Variants in CLVS1 observed in about 807,000 individuals in gnomAD.
CLVS1 encodes clavesin 1, also known as clavesin-1.
Under a neutral mutation model 33.1 loss-of-function variants are expected in CLVS1, and 10 were observed. That is an observed-to-expected ratio of 0.30 (90% CI 0.19 to 0.51). The LOEUF (loss-of-function observed/expected upper bound fraction) is 0.51, where lower values mean the gene tolerates loss of function less well. Among genes scored for constraint, CLVS1 ranks in the 20% least tolerant of loss-of-function variants. The pLI, the probability that CLVS1 is intolerant of heterozygous loss-of-function variation, is 0.97. For synonymous variants in CLVS1, 163 were observed against 166.1 expected (o/e 0.98, Z 0.14); for missense variants, 343 against 433.4 (o/e 0.79, Z 1.85).
intron 2 of CLVS1, among the ~76,000 whole-genome samples, chr8:61,253,064 T>G (rs1348084160): frequency 6.6e-6 from 1 of 152,174 alleles, no homozygotes; most frequent in African/African-American, 2.4e-5. Context: ...GGTACTGGTT[T>G]TTCCTTTCCA....
chr8:61,127,216 C>CTTT (rs759525568), intron 1 of CLVS1, among the ~76,000 whole-genome samples: 62 of 142,034 alleles, frequency 4.4e-4, no homozygotes, highest in African/African-American at 1.6e-3. Context: ...TGAGATCAAG[C>CTTT]TTTTTTTTTT....
chr8:61,458,617 TATTA>T (rs1817251477), intron 5 of CLVS1, 75 bp downstream of exon 5: 1 of 990,402 alleles, frequency 1.0e-6, no homozygotes, highest in African/African-American at 1.6e-5. Flanking sequence ...TATTGTGAAT[TATTA>T]ATTAAAGACC....
intron 2 of CLVS1, among the ~76,000 whole-genome samples, chr8:61,317,297 G>A (rs1388020299): frequency 5.3e-5 from 8 of 152,126 alleles, no homozygotes; most frequent in Admixed American, 1.3e-4. Context: ...AAGCAGATAG[G>A]CAAGTGAGTC....
At chr8:61,287,222 A>C (rs570008457), upstream of CLVS1, among the ~76,000 whole-genome samples, 2 of 152,224 alleles carry the variant, frequency 1.3e-5, no homozygotes, top group Non-Finnish European at 2.9e-5. Flanking sequence ...CCAAACTGCC[A>C]TATTAAACTG....
intron 2 of CLVS1, among the ~76,000 whole-genome samples, chr8:61,353,898 T>C (rs923235412): frequency 3.3e-5 from 5 of 151,670 alleles, no homozygotes; most frequent in African/African-American, 4.8e-5. Flanking sequence ...GGAAATGAAG[T>C]AGGTGATATC....
At chr8:61,381,343 C>T (rs1452302569) in intron 3 of CLVS1, among the ~76,000 whole-genome samples, 2 of 152,168 alleles carry the variant, frequency 1.3e-5, no homozygotes, top group Non-Finnish European at 2.9e-5. Flanking sequence ...TGGAGCAATG[C>T]TCAGAGGCTT....
chr8:61,330,433 C>A (rs1811550970), intron 2 of CLVS1, among the ~76,000 whole-genome samples: 2 of 152,176 alleles, frequency 1.3e-5, no homozygotes, highest in Admixed American at 6.5e-5. Context: ...TTAGAAAATA[C>A]ATGCCCCATT....
At chr8:60,981,000 G>A in the CLVS1 span, among the ~76,000 whole-genome samples, 13 of 152,188 alleles carry the variant, frequency 8.5e-5, no homozygotes, top group Admixed American at 7.9e-4. Flanking sequence ...GGGGAGGGAT[G>A]CAGAAACCAC....
intron 1 of CLVS1, among the ~76,000 whole-genome samples, chr8:61,083,030 C>T (rs1358575862): frequency 6.6e-6 from 1 of 151,746 alleles, no homozygotes; most frequent in Non-Finnish European, 1.5e-5. Context: ...CTCAGACAAA[C>T]AAACATTAAG....
intron 3 of CLVS1, among the ~76,000 whole-genome samples, chr8:61,402,856 A>G (rs1238171287): frequency 6.6e-6 from 1 of 152,210 alleles, no homozygotes; most frequent in Non-Finnish European, 1.5e-5. Context: ...AAAGACCAAA[A>G]TGTCTGCCCA....
At chr8:61,139,833 G>T (rs77550044) in intron 2 of CLVS1, among the ~76,000 whole-genome samples, 6,673 of 152,204 alleles carry the variant, frequency 0.044, 181 homozygotes, top group South Asian at 0.1. Context: ...CTCCTTCCCG[G>T]CTCCCTCTTG....
At chr8:61,423,105 G>A (rs1158869013) in intron 3 of CLVS1, among the ~76,000 whole-genome samples, 2 of 152,140 alleles carry the variant, frequency 1.3e-5, no homozygotes, top group Non-Finnish European at 2.9e-5. Context: ...TGAGCCCAAT[G>A]CACCTTGCAC....
At chr8:61,395,858 T>A (rs896519573) in intron 3 of CLVS1, among the ~76,000 whole-genome samples, 2 of 152,192 alleles carry the variant, frequency 1.3e-5, no homozygotes, top group African/African-American at 4.8e-5. Flanking sequence ...AACGTCATCA[T>A]AAACTTCAGG....
At chr8:61,457,861 A>G (rs1161509704) in intron 4 of CLVS1, among the ~76,000 whole-genome samples, 8 of 152,360 alleles carry the variant, frequency 5.3e-5, no homozygotes, top group African/African-American at 1.9e-4. Context: ...AGTTATCACC[A>G]GGGCGAATTA....
intron 3 of CLVS1, among the ~76,000 whole-genome samples, chr8:61,451,846 G>GAGAA (rs750656725): frequency 6.6e-6 from 1 of 150,466 alleles, no homozygotes; most frequent in Non-Finnish European, 1.5e-5. Flanking sequence ...GAGAGAGAGA[G>GAGAA]AACAGAGAGT....
chr8:61,492,164 C>T (rs1804110333), intron 5 of CLVS1, among the ~76,000 whole-genome samples: 2 of 152,162 alleles, frequency 1.3e-5, no homozygotes, highest in African/African-American at 4.8e-5. Context: ...CAGACCAATG[C>T]TATCCAATGG....
In CLVS1 at chr8:61,376,628, G is replaced by A. The variant is rs202238473; in HGVS notation, c.479G>A (p.Arg160His). The A allele has an allele frequency of 7.4e-6, 12 of 1,613,894 alleles. No homozygotes were observed. Among genetic ancestry groups the A allele is most frequent in the South Asian group, 1.1e-5 (1 of 91,060 alleles). The change falls in exon 3 of 6, where the codon CGT becomes CAT. Residue 160 changes from arginine to histidine, a missense_variant. Transcript: ENST00000325897. ...AGGAACTCCTTCACAGACATCCTTCGTGCCATCCTGCTGTCATTGGAAGTC... is the reference window on the plus strand; with the variant it reads ...AGGAACTCCTTCACAGACATCCTTCATGCCATCCTGCTGTCATTGGAAGTC... Reference protein sequence around the residue: ...QSRNSFTDILRAILLSLEVLI... With the variant: ...QSRNSFTDILHAILLSLEVLI...
chr8:61,168,616 G>A (rs955899919), intron 2 of CLVS1, among the ~76,000 whole-genome samples: 4 of 152,084 alleles, frequency 2.6e-5, no homozygotes, highest in African/African-American at 7.2e-5. Flanking sequence ...TTCTTCCAAC[G>A]TCTGGCTGCA....
At chr8:61,415,789 G>C (rs986174519) in intron 3 of CLVS1, among the ~76,000 whole-genome samples, 1 of 152,098 alleles carries the variant, frequency 6.6e-6, no homozygotes, top group Non-Finnish European at 1.5e-5. Flanking sequence ...AATTAACAAG[G>C]GAACAGACTA....
Sources: gnomAD v4.1 joint callset for allele counts (sites outside exome capture counted in the v4.1 genomes callset) on GRCh38, gnomAD v4.1.1 for gene constraint, MANE v1.5 for transcripts, NCBI Gene and HGNC (gene_info 2026-07-23, HGNC 2026-07-21) for gene names.